Variants in CRACR2A observed in about 807,000 individuals in gnomAD.
CRACR2A encodes calcium release activated channel regulator 2A.
A neutral mutation model predicts 90.5 loss-of-function variants in CRACR2A; 79 were observed. That is an observed-to-expected ratio of 0.87 (90% CI 0.73 to 1.05). The LOEUF (loss-of-function observed/expected upper bound fraction) is 1.05. Among genes scored for constraint, CRACR2A ranks in the 50% least tolerant of loss-of-function variants. The pLI is 0.00. For synonymous variants in CRACR2A, 338 were observed against 356.7 expected, an observed-to-expected ratio of 0.95 and a Z score of 0.59; for missense variants, 823 against 897.2, an observed-to-expected ratio of 0.92 and a Z score of 1.06.
intron 3 of CRACR2A, among the ~76,000 whole-genome samples, chr12:3,703,327 C>A (rs746287752): frequency 3.3e-5 from 5 of 152,130 alleles, no homozygotes; most frequent in African/African-American, 9.7e-5. Flanking sequence ...CTTCATGATC[C>A]GCCCACCTTG....
chr12:3,676,774 G>A (rs928093810), intron 6 of CRACR2A, among the ~76,000 whole-genome samples: 12 of 152,042 alleles, frequency 7.9e-5, no homozygotes, highest in African/African-American at 2.7e-4. Flanking sequence ...CAAATGGACT[G>A]AGACACGCCA....
chr12:3,700,023 A>G (rs978405358), intron 3 of CRACR2A, among the ~76,000 whole-genome samples: 8 of 152,194 alleles, frequency 5.3e-5, no homozygotes, highest in African/African-American at 1.9e-4. Context: ...AACTTTAAAA[A>G]TGGTTTTCAA....
intron 2 of CRACR2A, chr12:3,725,783 C>T (rs1469872550): frequency 6.6e-6 from 1 of 152,176 alleles, no homozygotes; most frequent in Admixed American, 6.5e-5. Flanking sequence ...TTCTTCAATT[C>T]CCCAGTTTCT....
intron 18 of CRACR2A, among the ~76,000 whole-genome samples, chr12:3,617,776 C>T (rs1867719308): frequency 6.6e-6 from 1 of 152,176 alleles, no homozygotes; most frequent in Non-Finnish European, 1.5e-5. Context: ...TTTTAGATGG[C>T]CTGTTCTTGG....
chr12:3,632,814 A>C lies in CRACR2A; in HGVS notation c.1735+790T>G, dbSNP rs116293576. 5.2e-3 allele frequency among the ~76,000 whole-genome samples: 787 copies of C among 152,346 alleles called. 9 individuals carry two copies. Among genetic ancestry groups the C allele is most frequent in the African/African-American group, 0.018 (740 of 41,576 alleles). ...ATTCAGGTCATACAAATACATTTTC[A>C]AGTACAGTTGACTTATCAGCTCAGT... On this transcript the variant is annotated intron_variant, in intron 15 of 19. Coordinates refer to ENST00000440314, the MANE Select transcript of CRACR2A (RefSeq NM_001144958.2).
intron 2 of CRACR2A, among the ~76,000 whole-genome samples, chr12:3,719,128 C>T (rs1160073468): frequency 2.0e-5 from 3 of 152,164 alleles, no homozygotes; most frequent in Non-Finnish European, 4.4e-5. Context: ...TTAACACAGC[C>T]TCGGTTATGT....
At chr12:3,690,065 G>A (rs1490717172) in intron 4 of CRACR2A, among the ~76,000 whole-genome samples, 2 of 151,498 alleles carry the variant, frequency 1.3e-5, no homozygotes, top group Non-Finnish European at 2.9e-5. Flanking sequence ...TTTTTCTAAT[G>A]ATCTATCTAT....
intron 7 of CRACR2A, among the ~76,000 whole-genome samples, chr12:3,673,074 T>C (rs1945277418): frequency 6.6e-6 from 1 of 152,238 alleles, no homozygotes; most frequent in Non-Finnish European, 1.5e-5. Flanking sequence ...GTCCTGGCTC[T>C]ACTGTTCACA....
In CRACR2A at chr12:3,659,678, T is replaced by A. The variant is rs568893525; in HGVS notation, c.672-24A>T. Reference sequence around the variant, plus strand: ...TCCTACAGAGGTGGCAAAAGGAGAGTCTCATTGAGGTTCCCCTACTCCACA... The same window carrying A: ...TCCTACAGAGGTGGCAAAAGGAGAGACTCATTGAGGTTCCCCTACTCCACA... On this transcript the variant is annotated intron_variant, in intron 7 of 19. Coordinates refer to ENST00000440314, the MANE Select transcript of CRACR2A (RefSeq NM_001144958.2). 1.0e-5 allele frequency: 16 copies of A among 1,598,780 alleles called. No homozygotes were observed. The African/African-American group carries it at 1.7e-4, about 17-fold the overall frequency.
chr12:3,644,839 G>A (rs1944656825), intron 11 of CRACR2A, among the ~76,000 whole-genome samples, 199 bp from the exon 12 acceptor site: 1 of 152,160 alleles, frequency 6.6e-6, no homozygotes. Context: ...ACAGATGTGG[G>A]GGATAGACTG....
At chr12:3,710,913 G>A (rs1461139621) in intron 3 of CRACR2A, among the ~76,000 whole-genome samples, 1 of 152,108 alleles carries the variant, frequency 6.6e-6, no homozygotes, top group Non-Finnish European at 1.5e-5. Context: ...CATCCACTTG[G>A]GAGGTTAAGT....
chr12:3,706,334 C>A (rs1945920953), intron 3 of CRACR2A, among the ~76,000 whole-genome samples: 1 of 152,214 alleles, frequency 6.6e-6, no homozygotes, highest in Non-Finnish European at 1.5e-5. Flanking sequence ...GCACTTGGCA[C>A]AGGAGCCAAA....
At chr12:3,638,070 A>G in intron 14 of CRACR2A, 54 bp downstream of exon 14, 1 of 1,470,010 alleles carries the variant, frequency 6.8e-7, no homozygotes. Context: ...CCTCAAATGC[A>G]AGAGACAGAT....
At chr12:3,695,032 C>A (rs556364785) in intron 4 of CRACR2A, among the ~76,000 whole-genome samples, 1 of 152,156 alleles carries the variant, frequency 6.6e-6, no homozygotes, top group Non-Finnish European at 1.5e-5. Flanking sequence ...AAACTTTATA[C>A]CTAGTTTCAA....
chr12:3,643,413 A>G (rs1198388489), intron 12 of CRACR2A, among the ~76,000 whole-genome samples: 1 of 151,900 alleles, frequency 6.6e-6, no homozygotes, highest in Non-Finnish European at 1.5e-5. Flanking sequence ...TGGAGGGGGG[A>G]TGGGAATTCA....
chr12:3,635,302 G>C (rs1367108360), intron 14 of CRACR2A, among the ~76,000 whole-genome samples: 2 of 152,182 alleles, frequency 1.3e-5, no homozygotes, highest in East Asian at 1.9e-4. Flanking sequence ...ATTGCGGGGA[G>C]GGGGCTGGAG....
intron 11 of CRACR2A, among the ~76,000 whole-genome samples, chr12:3,647,187 C>T (rs1248504783): frequency 2.0e-5 from 3 of 149,078 alleles, no homozygotes; most frequent in East Asian, 2.0e-4. Flanking sequence ...CTGACATTCC[C>T]GCTGTCCCCC....
chr12:3,648,878 G>A (rs936566020), intron 10 of CRACR2A, among the ~76,000 whole-genome samples: 6 of 152,232 alleles, frequency 3.9e-5, no homozygotes, highest in African/African-American at 1.2e-4. Context: ...GACAATCCGC[G>A]ACTGAACCAG....
chr12:3,752,747 G>A (rs1200644457), intron 1 of CRACR2A: 3 of 152,406 alleles, frequency 2.0e-5, no homozygotes, highest in East Asian at 3.8e-4. Context: ...GGGTTCCTAA[G>A]GTCCTTTCCT....
Sources: gnomAD v4.1 joint callset for allele counts (sites outside exome capture counted in the v4.1 genomes callset) on GRCh38, gnomAD v4.1.1 for gene constraint, MANE v1.5 for transcripts, NCBI Gene and HGNC (gene_info 2026-07-23, HGNC 2026-07-21) for gene names.